The following CRADD variants were observed in gnomAD, a reference collection of about 807,000 sequenced individuals.
CRADD encodes death domain-containing protein CRADD.
CRADD carries 9 observed loss-of-function variants against 15.5 expected under a neutral mutation model. The observed-to-expected ratio is 0.58, with a 90% CI of 0.35 to 1.01. The LOEUF is 1.01. CRADD is among the 50% of genes least tolerant of loss of function. The pLI, the probability that CRADD is intolerant of heterozygous loss-of-function variation, is 0.02. For synonymous variants in CRADD, 118 were observed against 107.6 expected (o/e 1.10, Z -0.60); for missense variants, 227 against 250.3 (o/e 0.91, Z 0.63).
intron 2 of CRADD, among the ~76,000 whole-genome samples, chr12:93,838,653 C>G (rs986463156): frequency 1.3e-5 from 2 of 151,172 alleles, no homozygotes; most frequent in African/African-American, 4.9e-5. Context: ...CATTCATATA[C>G]TCACTCTTGT....
chr12:93,762,815 T>C (rs1956981825), intron 2 of CRADD, among the ~76,000 whole-genome samples: 1 of 152,138 alleles, frequency 6.6e-6, no homozygotes, highest in African/African-American at 2.4e-5. Context: ...AAATTTGTCC[T>C]TTTCCAAGTG....
intron 2 of CRADD, among the ~76,000 whole-genome samples, chr12:93,881,335 G>A (rs1425224063): frequency 6.7e-6 from 1 of 148,492 alleles, no homozygotes; most frequent in Non-Finnish European, 1.5e-5. Context: ...TTTGTGGCTG[G>A]TTTCTTTTAC....
At chr12:93,862,788 A>G (rs748131269) in intron 2 of CRADD, among the ~76,000 whole-genome samples, 31 of 152,338 alleles carry the variant, frequency 2.0e-4, no homozygotes, top group South Asian at 4.1e-4. Flanking sequence ...CTCTTCCATG[A>G]CACCACCTAT....
chr12:93,732,642 G>A (rs1392976791), intron 2 of CRADD, among the ~76,000 whole-genome samples: 2 of 152,222 alleles, frequency 1.3e-5, no homozygotes, highest in Non-Finnish European at 2.9e-5. Context: ...TTAAGAGGGT[G>A]CATTTTAGAG....
intron 2 of CRADD, among the ~76,000 whole-genome samples, chr12:93,692,487 G>T (rs537299842): frequency 6.6e-6 from 1 of 152,074 alleles, no homozygotes; most frequent in Admixed American, 6.5e-5. Context: ...GAGAAAAGAA[G>T]CAAATAACAT....
chr12:93,719,789 C>T (rs1031985029), intron 2 of CRADD, among the ~76,000 whole-genome samples: 7 of 152,016 alleles, frequency 4.6e-5, no homozygotes, highest in African/African-American at 1.7e-4. Context: ...ATGATGTTCT[C>T]TTTTTCATTT....
intron 2 of CRADD, among the ~76,000 whole-genome samples, chr12:93,869,338 T>C (rs1043259051): frequency 6.6e-6 from 1 of 152,128 alleles, no homozygotes; most frequent in Non-Finnish European, 1.5e-5. Flanking sequence ...AATTTAGAGT[T>C]TCTACATTGT....
At chr12:93,837,945 G>T (rs1363703955) in intron 2 of CRADD, 1 of 152,110 alleles carries the variant, frequency 6.6e-6, no homozygotes, top group Non-Finnish European at 1.5e-5. Flanking sequence ...TTTTAATTCA[G>T]TGCGAGCTCA....
chr12:93,823,505 A>G (rs1385543809), intron 2 of CRADD, among the ~76,000 whole-genome samples: 1 of 152,156 alleles, frequency 6.6e-6, no homozygotes, highest in African/African-American at 2.4e-5. Context: ...TTGTACTTTC[A>G]TTAATTGGTT....
chr12:93,729,514 C>T (rs1029350205), intron 2 of CRADD, among the ~76,000 whole-genome samples: 1 of 152,126 alleles, frequency 6.6e-6, no homozygotes, highest in African/African-American at 2.4e-5. Context: ...CAGCCAGCCA[C>T]GGTGGCTCAT....
Position 93,693,748 on chromosome 12 carries a change from C to T in CRADD, c.298+14676C>T, listed in dbSNP as rs1005671929. ...AGACTACACTTTAGACCAAATGGAC[C>T]TAACAGACATTTACAGAACATTCCA... On this transcript the variant is annotated intron_variant, in intron 2 of 2. Transcript: ENST00000332896. Among the ~76,000 whole-genome samples, 4 of 152,020 alleles carry T rather than the reference C, an allele frequency of 2.6e-5. No homozygotes were observed. In the South Asian group the frequency reaches 8.3e-4, roughly 32 times the overall value.
At chr12:93,776,176 AT>A (rs1417131897) in intron 2 of CRADD, among the ~76,000 whole-genome samples, 4 of 152,140 alleles carry the variant, frequency 2.6e-5, no homozygotes, top group Non-Finnish European at 5.9e-5. Flanking sequence ...GTTCTACTTT[AT>A]TTTATTTTAA....
chr12:93,825,738 C>G (rs569591157), intron 2 of CRADD, among the ~76,000 whole-genome samples: 1 of 152,110 alleles, frequency 6.6e-6, no homozygotes. Flanking sequence ...AACCTCTTTC[C>G]GGCAAAAGGT....
chr12:93,802,073 T>A (rs1306692238), intron 2 of CRADD, among the ~76,000 whole-genome samples: 1 of 152,224 alleles, frequency 6.6e-6, no homozygotes, highest in Non-Finnish European at 1.5e-5. Context: ...ATACACCGTG[T>A]TTTCTTTATC....
chr12:93,838,615 T>C (rs1958010027), intron 2 of CRADD, among the ~76,000 whole-genome samples: 1 of 151,570 alleles, frequency 6.6e-6, no homozygotes, highest in South Asian at 2.1e-4. Context: ...ACTTCACTAA[T>C]TGGTCTGTGA....
In CRADD at chr12:93,678,793, C is replaced by G; in HGVS notation, c.19C>G (p.Gln7Glu). ...GGGAGAAATGGAGGCCAGAGACAAA[C>G]AAGTACTCCGCTCACTTCGCCTGGA... MEARDK[Q>E]VLRSLRLELG... The change falls in exon 2 of 3, where the codon CAA becomes GAA. Residue 7 changes from glutamine to glutamate, a missense_variant. By Grantham distance (29) the Gln-to-Glu change is conservative. Coordinates refer to ENST00000332896, the MANE Select transcript of CRADD (RefSeq NM_003805.5). 1 of 1,613,294 alleles carries G rather than the reference C, an allele frequency of 6.2e-7. No individual in the cohort carries two copies. Among genetic ancestry groups the G allele is most frequent in the Non-Finnish European group, 8.5e-7 (1 of 1,179,536 alleles).
intron 2 of CRADD, among the ~76,000 whole-genome samples, chr12:93,700,927 A>C (rs1955831180): frequency 6.6e-6 from 1 of 151,972 alleles, no homozygotes; most frequent in Non-Finnish European, 1.5e-5. Flanking sequence ...GTCCTCTCTC[A>C]TGCGCTTCTG....
At chr12:93,722,027 A>G (rs1330913597) in intron 2 of CRADD, among the ~76,000 whole-genome samples, 12 of 152,232 alleles carry the variant, frequency 7.9e-5, no homozygotes, top group Non-Finnish European at 1.5e-5. Flanking sequence ...AGGCAGGTCT[A>G]CTGCCAACAA....
At chr12:93,697,231 A>G (rs1955729729) in intron 2 of CRADD, among the ~76,000 whole-genome samples, 2 of 152,184 alleles carry the variant, frequency 1.3e-5, no homozygotes, top group Non-Finnish European at 2.9e-5. Flanking sequence ...TAAGGGGTGA[A>G]GTAATTAAGT....
Sources: gnomAD v4.1 joint callset for allele counts (sites outside exome capture counted in the v4.1 genomes callset) on GRCh38, gnomAD v4.1.1 for gene constraint, MANE v1.5 for transcripts, NCBI Gene and HGNC (gene_info 2026-07-23, HGNC 2026-07-21) for gene names.